The following SLC25A18 variants were observed in gnomAD, a reference collection of about 807,000 sequenced individuals.
The protein encoded by SLC25A18 is solute carrier family 25 member 18, also known as mitochondrial glutamate carrier 2.
Under a neutral mutation model 31.1 loss-of-function variants are expected in SLC25A18, and 24 were observed. That is an observed-to-expected ratio of 0.77 (90% CI 0.56 to 1.08). The LOEUF (loss-of-function observed/expected upper bound fraction) is 1.08, where lower values mean the gene tolerates loss of function less well. SLC25A18 is among the 50% of genes least tolerant of loss of function. The pLI is 0.00. For missense variants in SLC25A18, 371 were observed against 418.5 expected, an observed-to-expected ratio of 0.89 and a Z score of 0.99; for synonymous variants, 173 against 161.9, an observed-to-expected ratio of 1.07 and a Z score of -0.52.
At chr22:17,571,488 T>C (rs2057085616) in intron 2 of SLC25A18, among the ~76,000 whole-genome samples, 1 of 152,182 alleles carries the variant, frequency 6.6e-6, no homozygotes, top group Non-Finnish European at 1.5e-5. Context: ...GAATCACTTC[T>C]CCAGCCGGGG....
At chr22:17,569,497 A>T in intron 1 of SLC25A18, 1 of 522,028 alleles carries the variant, frequency 1.9e-6, no homozygotes, top group Non-Finnish European at 2.5e-6. Flanking sequence ...CAGTAAGAAA[A>T]GTGCATGAGA....
At chr22:17,566,235 G>A (rs957371626) in intron 1 of SLC25A18, among the ~76,000 whole-genome samples, 2 of 151,914 alleles carry the variant, frequency 1.3e-5, no homozygotes, top group South Asian at 2.1e-4. Context: ...TTCCCTCCCC[G>A]TCTCCTTACC....
At chr22:17,587,032 TG>T in intron 7 of SLC25A18, 103 bp from the exon 8 acceptor site, 1 of 1,293,092 alleles carries the variant, frequency 7.7e-7, no homozygotes, top group Non-Finnish European at 1.1e-6. Context: ...GGTGTCAGCC[TG>T]GCCTCTGAAC....
intron 7 of SLC25A18, 46 bp downstream of exon 7, chr22:17,583,580 T>C (rs1293903867): frequency 1.3e-6 from 2 of 1,598,978 alleles, no homozygotes; most frequent in Non-Finnish European, 1.7e-6. Context: ...AGGGCTGGGA[T>C]TGGAACCAGG....
chr22:17,572,967 A>G (rs1310402562), intron 2 of SLC25A18, among the ~76,000 whole-genome samples: 1 of 152,062 alleles, frequency 6.6e-6, no homozygotes, highest in African/African-American at 2.4e-5. Flanking sequence ...TTAAAAATTA[A>G]CCGGGCGTGA....
At chr22:17,587,884 G>A in intron 8 of SLC25A18, 41 bp from the exon 9 acceptor site, 1 of 1,613,082 alleles carries the variant, frequency 6.2e-7, no homozygotes, top group Non-Finnish European at 8.5e-7. Flanking sequence ...GGCAGCCCCA[G>A]GGCAGCTCGG....
chr22:17,584,023 G>T (rs953077733), intron 7 of SLC25A18: 1 of 980,040 alleles, frequency 1.0e-6, no homozygotes. Flanking sequence ...AAATGAGAAT[G>T]TTGATTCAGA....
At chr22:17,564,988 G>A (rs192554479) in intron 1 of SLC25A18, among the ~76,000 whole-genome samples, 39 of 152,206 alleles carry the variant, frequency 2.6e-4, no homozygotes, top group African/African-American at 9.2e-4. Flanking sequence ...TGGGTGGATC[G>A]CTTGAGCCCA....
In SLC25A18 at chr22:17,582,576, C is replaced by T. The variant is rs201530772; in HGVS notation, c.213C>T (p.Asn71=). 1 of 1,599,160 alleles carries T rather than the reference C, an allele frequency of 6.3e-7. No homozygotes were observed. Among genetic ancestry groups the T allele is most frequent in the African/African-American group, 1.3e-5 (1 of 74,874 alleles). The change falls in exon 6 of 11, where the codon AAC becomes AAT. Residue 71 remains asparagine, a synonymous_variant. Transcript: ENST00000327451. ...FFGMYRGAAV[N]LTLVTPEKAI... is the part of the protein sequence containing the mutation. ...CTTCACTTCCAGGGGCTGCAGTGAA[C>T]CTCACTCTGGTCACTCCAGAGAAGG...
At position 17,584,768 on chromosome 22, in the gene SLC25A18, C is replaced by T. The variant is rs541140476; in HGVS notation, c.409+1234C>T. Among the ~76,000 whole-genome samples the T allele has an allele frequency of 3.6e-5, 3 of 82,990 alleles. No individual in the cohort carries two copies. The East Asian group carries it at 8.9e-4, about 25-fold the overall frequency. 54.4% of individuals were successfully genotyped at this position (82,990 alleles called of 152,430 possible). ...TGCACTCCAGCCTGGAGGACAAAAGCGAGAATTCATCTCAAAAAAAAAAAA... is the reference window on the plus strand; with the variant it reads ...TGCACTCCAGCCTGGAGGACAAAAGTGAGAATTCATCTCAAAAAAAAAAAA... On this transcript the variant is annotated intron_variant, in intron 7 of 10. Coordinates refer to ENST00000327451, the MANE Select transcript of SLC25A18 (RefSeq NM_031481.3).
intron 6 of SLC25A18, 43 bp downstream of exon 6, chr22:17,582,696 T>A: frequency 1.3e-6 from 2 of 1,524,534 alleles, no homozygotes; most frequent in Non-Finnish European, 1.8e-6. Context: ...ACTGTGTGTT[T>A]TTTGGGAGAG....
chr22:17,568,704 C>G lies in SLC25A18; in HGVS notation c.-263-1220C>G, dbSNP rs189501336. 3.7e-3 allele frequency among the ~76,000 whole-genome samples: 543 copies of G among 148,034 alleles called. 2 individuals carry two copies. Among genetic ancestry groups the G allele is most frequent in the Non-Finnish European group, 4.2e-3 (277 of 66,628 alleles). ...AGCCTCCCGAGTAGCTGGGACTACACGCGCCTGCCACCACGCCTGACTAAT... is the reference window on the plus strand; with the variant it reads ...AGCCTCCCGAGTAGCTGGGACTACAGGCGCCTGCCACCACGCCTGACTAAT... On this transcript the variant is annotated intron_variant, in intron 1 of 10. Transcript: ENST00000327451.
chr22:17,564,872 A>G (rs2056893909), intron 1 of SLC25A18, among the ~76,000 whole-genome samples: 1 of 150,432 alleles, frequency 6.6e-6, no homozygotes, highest in South Asian at 2.1e-4. Context: ...AAAAAAAATC[A>G]GGCCCAGGCA....
At position 17,563,542 on chromosome 22, in the gene SLC25A18, A is replaced by T; in HGVS notation, c.-435A>T. ...AAGGACGAGGACCCCTATTCTAGCC[A>T]GTTAAAGCTGGACAGAATTTTTAAA... On this transcript the variant is annotated 5_prime_UTR_variant, in exon 1 of 11. Transcript: ENST00000327451. 1 of 329,268 alleles carries T rather than the reference A, an allele frequency of 3.0e-6. No homozygotes were observed. Among genetic ancestry groups the T allele is most frequent in the Non-Finnish European group, 4.3e-6 (1 of 229,972 alleles). 20.4% of individuals were successfully genotyped at this position (329,268 alleles called of 1,614,324 possible).
In SLC25A18 at chr22:17,563,726, T is replaced by G; in HGVS notation, c.-264+13T>G. 2.0e-6 allele frequency: 2 copies of G among 985,340 alleles called. No individual in the cohort carries two copies. The highest frequency in any genetic ancestry group is 2.4e-6 in the Non-Finnish European group (2 of 829,906). The allele number at this position is 985,340 out of a possible 1,614,324, so 61.0% of individuals were successfully genotyped here. ...AGGCAAGTTGTCAGTAAGTATTTAT[T>G]AAATACCCACCGTGAGCCTTGTACT... On this transcript the variant is annotated intron_variant, in intron 1 of 10. Transcript: ENST00000327451.
chr22:17,580,886 A>G (rs976815673), intron 3 of SLC25A18, 151 bp from the exon 4 acceptor site: 2 of 1,423,380 alleles, frequency 1.4e-6, no homozygotes, highest in East Asian at 5.2e-5. Context: ...TCTGGACCAG[A>G]CCTGGGCCAG....
chr22:17,590,336 T>A lies in SLC25A18; in HGVS notation c.*100T>A, dbSNP rs2057683683. The A allele has an allele frequency of 1.4e-6, 2 of 1,460,442 alleles. No individual in the cohort carries two copies. 90.5% of individuals were successfully genotyped at this position (1,460,442 alleles called of 1,614,324 possible). On this transcript the variant is annotated 3_prime_UTR_variant, in exon 11 of 11. Coordinates refer to ENST00000327451, the MANE Select transcript of SLC25A18 (RefSeq NM_031481.3). ...GCAGGTGGGGCCACTCTGGCCTGCCTGGTCCTCTGCGTTGTAGTGCTACCT... is the reference window on the plus strand; with the variant it reads ...GCAGGTGGGGCCACTCTGGCCTGCCAGGTCCTCTGCGTTGTAGTGCTACCT...
intron 2 of SLC25A18, among the ~76,000 whole-genome samples, chr22:17,571,186 G>A (rs1029707030): frequency 1.3e-5 from 2 of 152,192 alleles, no homozygotes; most frequent in South Asian, 2.1e-4. Flanking sequence ...CCACTTGGCC[G>A]TTTGGAAGGT....
intron 2 of SLC25A18, among the ~76,000 whole-genome samples, chr22:17,578,723 AAAAAATACAAAAAT>A (rs1296074564): frequency 6.6e-6 from 1 of 152,168 alleles, no homozygotes; most frequent in African/African-American, 2.4e-5. Context: ...CTGAGGTCGG[AAAAAATACAAAAAT>A]AAAAATACAA....
Sources: gnomAD v4.1 joint callset for allele counts (sites outside exome capture counted in the v4.1 genomes callset) on GRCh38, gnomAD v4.1.1 for gene constraint, MANE v1.5 for transcripts, NCBI Gene and HGNC (gene_info 2026-07-23, HGNC 2026-07-21) for gene names.